The following ZFAND5 variants were observed in gnomAD, a reference collection of about 807,000 sequenced individuals.
The protein encoded by ZFAND5 is zinc finger AN1-type containing 5, also known as AN1-type zinc finger protein 5.
ZFAND5 carries 4 observed loss-of-function variants against 23.6 expected under a neutral mutation model. The observed-to-expected ratio is 0.17, with a 90% CI of 0.08 to 0.39. The LOEUF (loss-of-function observed/expected upper bound fraction) is 0.39, where lower values mean the gene tolerates loss of function less well. ZFAND5 is among the 10% of genes least tolerant of loss of function. The pLI, the probability that ZFAND5 is intolerant of heterozygous loss-of-function variation, is 1.00. For missense variants in ZFAND5, 161 were observed against 253.7 expected (o/e 0.63, Z 2.48); for synonymous variants, 68 against 80.6 (o/e 0.84, Z 0.84).
intron 3 of ZFAND5, 51 bp from the exon 4 acceptor site, chr9:72,360,272 CTTAG>C (rs756159681): frequency 6.9e-7 from 1 of 1,454,522 alleles, no homozygotes; most frequent in South Asian, 1.2e-5. Context: ...CAAAAACTCA[CTTAG>C]TATCAAGACG....
chr9:72,363,706 G>A lies in ZFAND5; in HGVS notation c.-146-100C>T, dbSNP rs969484867. 4 of 926,272 alleles carry A rather than the reference G, an allele frequency of 4.3e-6. No individual in the cohort carries two copies. In the South Asian group the frequency reaches 1.5e-4, roughly 35 times the overall value. The allele number at this position is 926,272 out of a possible 1,614,324, so 57.4% of individuals were successfully genotyped here. On this transcript the variant is annotated intron_variant, in intron 1 of 6. Coordinates refer to ENST00000376962, the MANE Select transcript of ZFAND5 (RefSeq NM_001102420.3). ...AAAAAACTTCAAAGATAAAATTGCA[G>A]TATTTTCACCAACTGAGTTCTGAAA...
In ZFAND5 at chr9:72,364,817, G is replaced by C. The variant is rs574049056; in HGVS notation, c.-268C>G. ...GTGCCGCCGCCGCGGGCCGGGAGCG[G>C]GTCGGAGCAGCAGGCGGAGGTGGCG... On this transcript the variant is annotated 5_prime_UTR_variant, in exon 1 of 7. Coordinates refer to ENST00000376962, the MANE Select transcript of ZFAND5 (RefSeq NM_001102420.3). 1 of 182,394 alleles carries C rather than the reference G, an allele frequency of 5.5e-6. No homozygotes were observed. Among genetic ancestry groups the C allele is most frequent in the African/African-American group, 2.4e-5 (1 of 41,654 alleles). The allele number at this position is 182,394 out of a possible 1,614,324, so 11.3% of individuals were successfully genotyped here.
rs1384505041 is a variant in ZFAND5 at position 72,365,202 on chromosome 9, G to C, written c.-653C>G. The C allele has an allele frequency of 6.6e-6, 1 of 152,218 alleles. No homozygotes were observed. Among genetic ancestry groups the C allele is most frequent in the Non-Finnish European group, 1.5e-5 (1 of 68,052 alleles). 9.4% of individuals were successfully genotyped at this position (152,218 alleles called of 1,614,324 possible). Reference sequence around the variant, plus strand: ...ATGCACACAGCTCCGCGTCCCGGCCGACTAACGCACTCGCCGCCCGGCGCC... The same window carrying C: ...ATGCACACAGCTCCGCGTCCCGGCCCACTAACGCACTCGCCGCCCGGCGCC... On this transcript the variant is annotated 5_prime_UTR_variant, in exon 1 of 7. Coordinates refer to ENST00000376962, the MANE Select transcript of ZFAND5 (RefSeq NM_001102420.3).
Position 72,356,049 on chromosome 9 carries a change from G to A in ZFAND5, c.546C>T (p.Asp182=). The change falls in exon 7 of 7, where the codon GAC becomes GAT. Residue 182 remains aspartate (D), a synonymous_variant. Transcript: ENST00000376962. The part of the protein sequence containing the change: ...NLFCGLHRYS[D]KHNCPYDYKA... ...TGTAATCATACGGACAGTTGTGCTT[G>A]TCAGAGTAACGGTGAAGTCCACAAA... The A allele has an allele frequency of 6.2e-7, 1 of 1,613,838 alleles. No homozygotes were observed. The highest frequency in any genetic ancestry group is 8.5e-7 in the Non-Finnish European group (1 of 1,179,850).
rs1320711395 is a variant in ZFAND5, at chr9:72,364,366, C to G, written c.-147+330G>C. ...GGCCGCCGCCTCGGCCTCTTTGTTT[C>G]TCTGGGTCGTGGTGCCCACGCCGGG... On this transcript the variant is annotated intron_variant, in intron 1 of 6. Transcript: ENST00000376962. 4 of 1,150,390 alleles carry G rather than the reference C, an allele frequency of 3.5e-6. No individual in the cohort carries two copies. The African/African-American group carries it at 5.2e-5, about 15-fold the overall frequency. 71.3% of individuals were successfully genotyped at this position (1,150,390 alleles called of 1,614,324 possible). A position where few individuals can be genotyped will look rare whatever the true frequency, so the allele number is the denominator to read the frequency against.
intron 3 of ZFAND5, 137 bp downstream of exon 3, chr9:72,360,491 C>T: frequency 8.6e-7 from 1 of 1,165,138 alleles, no homozygotes; most frequent in African/African-American, 1.5e-5. Flanking sequence ...ATGTCAAGCA[C>T]TTGGGCTGTT....
In ZFAND5 at chr9:72,352,186, G is replaced by A. The variant is rs1257685858; in HGVS notation, c.*3767C>T. On this transcript the variant is annotated 3_prime_UTR_variant, in exon 7 of 7. Coordinates refer to ENST00000376962, the MANE Select transcript of ZFAND5 (RefSeq NM_001102420.3). ...ACATTAGCCAGGTGTGGTGACGGGTGCCTGTAGTCCCAACTACTCCGGAGG... is the reference window on the plus strand; with the variant it reads ...ACATTAGCCAGGTGTGGTGACGGGTACCTGTAGTCCCAACTACTCCGGAGG... The A allele has an allele frequency of 6.6e-6, 1 of 152,192 alleles. No individual in the cohort carries two copies. The highest frequency in any genetic ancestry group is 1.5e-5 in the Non-Finnish European group (1 of 68,072). 9.4% of individuals were successfully genotyped at this position (152,192 alleles called of 1,614,324 possible).
At chr9:72,361,218 C>G (rs1406199903) in intron 2 of ZFAND5, among the ~76,000 whole-genome samples, 2 of 152,188 alleles carry the variant, frequency 1.3e-5, no homozygotes, top group African/African-American at 4.8e-5. Context: ...GTTCTTTAAA[C>G]TGGATGAATA....
chr9:72,360,527 T>C, intron 3 of ZFAND5, 101 bp downstream of exon 3: 1 of 1,491,106 alleles, frequency 6.7e-7, no homozygotes, highest in Non-Finnish European at 9.2e-7. Flanking sequence ...TCTTATCAGG[T>C]GTTCTCTCCA....
In ZFAND5 at chr9:72,359,431, C is replaced by T. The variant is rs149441104; in HGVS notation, c.354G>A (p.Glu118=). Residue 118 remains glutamate (E), a synonymous_variant, in exon 5 of 7, where the codon GAG becomes GAA. Coordinates refer to ENST00000376962, the MANE Select transcript of ZFAND5 (RefSeq NM_001102420.3). Reference sequence around the variant, plus strand: ...TGAAAAACATACCTGGCTCTGACACCTCTGTTTTCGGGGTAGTTATTTTGT... The same window carrying T: ...TGAAAAACATACCTGGCTCTGACACTTCTGTTTTCGGGGTAGTTATTTTGT... ...REDKITTPKT[E]VSEPVVTQPS... is the part of the protein sequence containing the mutation. The T allele has an allele frequency of 5.3e-5, 85 of 1,612,970 alleles. 2 individuals carry two copies. Among genetic ancestry groups the T allele is most frequent in the South Asian group, 4.8e-4 (44 of 90,996 alleles).
At position 72,355,133 on chromosome 9, in the gene ZFAND5, G is replaced by A. The variant is rs1171199190; in HGVS notation, c.*820C>T. 6.6e-6 allele frequency: 1 copy of A among 152,622 alleles called. No individual in the cohort carries two copies. Among genetic ancestry groups the A allele is most frequent in the Non-Finnish European group, 1.5e-5 (1 of 68,038 alleles). The allele number at this position is 152,622 out of a possible 1,614,324, so 9.5% of individuals were successfully genotyped here. A position where few individuals can be genotyped will look rare whatever the true frequency, so the allele number is the denominator to read the frequency against. ...TACCTTTGCAACTTAAAATTCAGAT[G>A]CATGTTATTCAATAGAGCTGCTGTA... On this transcript the variant is annotated 3_prime_UTR_variant, in exon 7 of 7. Coordinates refer to ENST00000376962, the MANE Select transcript of ZFAND5 (RefSeq NM_001102420.3).
At position 72,355,757 on chromosome 9, in the gene ZFAND5, A is replaced by G. The variant is rs747395523; in HGVS notation, c.*196T>C. On this transcript the variant is annotated 3_prime_UTR_variant, in exon 7 of 7. Coordinates refer to ENST00000376962, the MANE Select transcript of ZFAND5 (RefSeq NM_001102420.3). ...ATTTTTTTCAGGGGAGGGCATATAC[A>G]TTTGTAGGGCTGTATCTATCCAATT... 2.2e-6 allele frequency: 1 copy of G among 455,842 alleles called. No individual in the cohort carries two copies. The highest frequency in any genetic ancestry group is 3.7e-6 in the Non-Finnish European group (1 of 267,302). 28.2% of individuals were successfully genotyped at this position (455,842 alleles called of 1,614,324 possible).
At chr9:72,358,935 C>G (rs1303406097) in intron 5 of ZFAND5, among the ~76,000 whole-genome samples, 3 of 151,550 alleles carry the variant, frequency 2.0e-5, no homozygotes, top group Admixed American at 6.6e-5. Flanking sequence ...GTCACCATAT[C>G]TCATGAAAAC....
rs979862914 is a variant in ZFAND5 at position 72,364,576 on chromosome 9, G to A, written c.-147+120C>T. 1.0e-5 allele frequency: 13 copies of A among 1,251,970 alleles called. No individual in the cohort carries two copies. In the African/African-American group the frequency reaches 1.3e-4, roughly 12 times the overall value. The allele number at this position is 1,251,970 out of a possible 1,614,324, so 77.6% of individuals were successfully genotyped here. A position where few individuals can be genotyped will look rare whatever the true frequency, so the allele number is the denominator to read the frequency against. On this transcript the variant is annotated intron_variant, in intron 1 of 6. Coordinates refer to ENST00000376962, the MANE Select transcript of ZFAND5 (RefSeq NM_001102420.3). ...GCGGGCGGGCTCCCCTCCCCCGGAC[G>A]CCGCCATCCGCGGCCTGCTCCGGCT...
Position 72,364,808 on chromosome 9 carries a change from CCGGGAGCGGGT to C in ZFAND5, c.-270_-260del, listed in dbSNP as rs988708953. On this transcript the variant is annotated 5_prime_UTR_variant, in exon 1 of 7. Coordinates refer to ENST00000376962, the MANE Select transcript of ZFAND5 (RefSeq NM_001102420.3). ...GGCGCCCTGGTGCCGCCGCCGCGGG[CCGGGAGCGGGT>C]CGGAGCAGCAGGCGGAGGTGGCGCC... 1.5e-5 allele frequency: 3 copies of C among 200,716 alleles called. No individual in the cohort carries two copies. Among genetic ancestry groups the C allele is most frequent in the Non-Finnish European group, 2.8e-5 (3 of 107,966 alleles). 12.4% of individuals were successfully genotyped at this position (200,716 alleles called of 1,614,324 possible). A position where few individuals can be genotyped will look rare whatever the true frequency, so the allele number is the denominator to read the frequency against.
Position 72,365,191 on chromosome 9 carries a change from G to C in ZFAND5, c.-642C>G, listed in dbSNP as rs947506684. On this transcript the variant is annotated 5_prime_UTR_variant, in exon 1 of 7. Coordinates refer to ENST00000376962, the MANE Select transcript of ZFAND5 (RefSeq NM_001102420.3). ...CCGCGTAGGAGATGCACACAGCTCC[G>C]CGTCCCGGCCGACTAACGCACTCGC... 1 of 152,218 alleles carries C rather than the reference G, an allele frequency of 6.6e-6. No homozygotes were observed. The highest frequency in any genetic ancestry group is 2.4e-5 in the African/African-American group (1 of 41,466). The allele number at this position is 152,218 out of a possible 1,614,324, so 9.4% of individuals were successfully genotyped here.
rs1327564533 is a variant in ZFAND5 at position 72,353,070 on chromosome 9, G to A, written c.*2883C>T. The A allele has an allele frequency of 6.6e-6, 1 of 152,198 alleles. No homozygotes were observed. The highest frequency in any genetic ancestry group is 1.9e-4 in the East Asian group (1 of 5,194). 9.4% of individuals were successfully genotyped at this position (152,198 alleles called of 1,614,324 possible). A position where few individuals can be genotyped will look rare whatever the true frequency, so the allele number is the denominator to read the frequency against. ...ACACTGAAGATGAGGTTTTCAAAAA[G>A]GACTCACCCATTTATACTGCGAATT... On this transcript the variant is annotated 3_prime_UTR_variant, in exon 7 of 7. Coordinates refer to ENST00000376962, the MANE Select transcript of ZFAND5 (RefSeq NM_001102420.3).
At position 72,356,065 on chromosome 9, in the gene ZFAND5, A is replaced by G; in HGVS notation, c.530T>C (p.Leu177Pro). 6.2e-7 allele frequency: 1 copy of G among 1,613,690 alleles called. No individual in the cohort carries two copies. Among genetic ancestry groups the G allele is most frequent in the Non-Finnish European group, 8.5e-7 (1 of 1,179,810 alleles). Residue 177 changes from leucine (L) to proline (P), a missense_variant, in exon 7 of 7, where the codon CTT becomes CCT. This residue lies in a region of ZFAND5 where 24 missense variants were observed against 80.0 expected (regional missense o/e 0.30). Coordinates refer to ENST00000376962, the MANE Select transcript of ZFAND5 (RefSeq NM_001102420.3). ...GTTGTGCTTGTCAGAGTAACGGTGA[A>G]GTCCACAAAACAAATTTCCACATCG... ...DCRCGNLFCG[L>P]HRYSDKHNCP...
chr9:72,354,168 ACAT>A lies in ZFAND5; in HGVS notation c.*1782_*1784del, dbSNP rs1393225787. The stretch of plus-strand genomic sequence containing the variant: ...CTTTCTTCTTCAGAATTGTCATAAA[ACAT>A]CATCTTTTACAACATGGAGAAGCGA... On this transcript the variant is annotated 3_prime_UTR_variant, in exon 7 of 7. Coordinates refer to ENST00000376962, the MANE Select transcript of ZFAND5 (RefSeq NM_001102420.3). The A allele has an allele frequency of 3.9e-5, 6 of 152,332 alleles. No individual in the cohort carries two copies. Among genetic ancestry groups the A allele is most frequent in the East Asian group, 3.9e-4 (2 of 5,182 alleles). The allele number at this position is 152,332 out of a possible 1,614,324, so 9.4% of individuals were successfully genotyped here.
Sources: allele counts gnomAD v4.1 joint callset (sites outside exome capture counted in the v4.1 genomes callset), GRCh38; gene constraint gnomAD v4.1.1; regional missense constraint gnomAD v4.1.1; transcripts MANE v1.5; gene names NCBI Gene and HGNC (gene_info 2026-07-23, HGNC 2026-07-21).